PAG1: variants seen among roughly 807,000 people sequenced by gnomAD.
The protein encoded by PAG1 is phosphoprotein membrane anchor with glycosphingolipid microdomains 1.
PAG1 carries 23 observed loss-of-function variants against 31.7 expected under a neutral mutation model. The ratio of observed to expected loss-of-function variants is 0.73; its 90% CI spans 0.52 to 1.03. The LOEUF is 1.03. PAG1 is among the 50% of genes least tolerant of loss of function. PAG1 has a pLI of 0.00. For synonymous variants in PAG1, 214 were observed against 210.3 expected (o/e 1.02, Z -0.15); for missense variants, 473 against 540.7 (o/e 0.87, Z 1.24).
At chr8:81,089,379 T>C (rs1433879942) in intron 1 of PAG1, among the ~76,000 whole-genome samples, 2 of 152,044 alleles carry the variant, frequency 1.3e-5, no homozygotes, top group African/African-American at 2.4e-5. Flanking sequence ...CCATCCTGGC[T>C]AACACAGTGA....
intron 3 of PAG1, among the ~76,000 whole-genome samples, chr8:81,008,026 C>G (rs1387171960): frequency 1.3e-5 from 2 of 152,148 alleles, no homozygotes; most frequent in East Asian, 3.8e-4. Context: ...TAGCCACTGA[C>G]ATCTAGTAAT....
intron 1 of PAG1, among the ~76,000 whole-genome samples, chr8:81,105,749 A>T (rs1809683630): frequency 6.6e-6 from 1 of 152,218 alleles, no homozygotes; most frequent in South Asian, 2.1e-4. Flanking sequence ...TTTAATAGTA[A>T]TGATGGAGTC....
intron 2 of PAG1, among the ~76,000 whole-genome samples, chr8:81,069,465 T>G (rs947279771): frequency 6.6e-6 from 1 of 152,248 alleles, no homozygotes; most frequent in Admixed American, 6.5e-5. Flanking sequence ...TTATAAACAC[T>G]GATAACCATT....
chr8:80,969,891 C>T lies in PAG1; in HGVS notation c.*6653G>A, dbSNP rs1807040845. The stretch of plus-strand genomic sequence containing the variant: ...CCTAGAAGGTGCTTGGTTTCTCACT[C>T]CAAAGTCAGGCAGTTTGCTATAAAT... On this transcript the variant is annotated 3_prime_UTR_variant, in exon 9 of 9. Coordinates refer to ENST00000220597, the MANE Select transcript of PAG1 (RefSeq NM_018440.4). 2 of 152,176 alleles carry T rather than the reference C, an allele frequency of 1.3e-5. No individual in the cohort carries two copies. The highest frequency in any genetic ancestry group is 4.8e-5 in the African/African-American group (2 of 41,432). The allele number at this position is 152,176 out of a possible 1,614,324, so 9.4% of individuals were successfully genotyped here.
intron 3 of PAG1, among the ~76,000 whole-genome samples, chr8:81,016,852 C>T (rs944222805): frequency 2.0e-5 from 3 of 152,126 alleles, no homozygotes; most frequent in Non-Finnish European, 2.9e-5. Context: ...CCTAAGGTGC[C>T]GTGGATACTT....
chr8:81,017,315 C>A (rs1808088949), intron 3 of PAG1, among the ~76,000 whole-genome samples: 1 of 152,314 alleles, frequency 6.6e-6, no homozygotes, highest in Admixed American at 6.5e-5. Context: ...AGAACTCTGA[C>A]TTTTTATTTC....
At chr8:80,987,779 T>C (rs968596013) in intron 5 of PAG1, among the ~76,000 whole-genome samples, 1 of 152,184 alleles carries the variant, frequency 6.6e-6, no homozygotes, top group Non-Finnish European at 1.5e-5. Context: ...AACAATATAA[T>C]ATAATGAAAG....
chr8:81,071,503 A>G (rs1405007007), intron 1 of PAG1, among the ~76,000 whole-genome samples: 7 of 152,228 alleles, frequency 4.6e-5, no homozygotes. Flanking sequence ...CTGAAAACCT[A>G]TCATTTATAA....
At chr8:81,020,234 G>A (rs1227845801) in intron 3 of PAG1, among the ~76,000 whole-genome samples, 1 of 152,176 alleles carries the variant, frequency 6.6e-6, no homozygotes, top group Non-Finnish European at 1.5e-5. Context: ...GGACTTTTGA[G>A]GTGATGCTGA....
chr8:80,997,300 C>T (rs1032914222), intron 3 of PAG1, among the ~76,000 whole-genome samples: 24 of 151,898 alleles, frequency 1.6e-4, no homozygotes, highest in Admixed American at 9.8e-4. Context: ...TTTTTTGAGA[C>T]AGGGTCTTGC....
At chr8:81,002,395 C>A (rs1253775034) in intron 3 of PAG1, among the ~76,000 whole-genome samples, 1 of 152,190 alleles carries the variant, frequency 6.6e-6, no homozygotes, top group African/African-American at 2.4e-5. Context: ...ACAAATGCCC[C>A]CTTTCGGCAG....
intron 1 of PAG1, among the ~76,000 whole-genome samples, chr8:81,072,122 G>C (rs1334955877): frequency 1.3e-5 from 2 of 152,156 alleles, no homozygotes; most frequent in Non-Finnish European, 2.9e-5. Flanking sequence ...GGTTATGCAG[G>C]GTTGGGGTTC....
intron 3 of PAG1, among the ~76,000 whole-genome samples, chr8:81,021,147 T>TA (rs1808160318): frequency 6.6e-6 from 1 of 152,224 alleles, no homozygotes; most frequent in Non-Finnish European, 1.5e-5. Context: ...TTTTGCCAAA[T>TA]ACTTGGATTT....
rs1439485157 is a variant in PAG1 at position 81,111,657 on chromosome 8, C to T, written c.-300G>A. On this transcript the variant is annotated 5_prime_UTR_variant, in exon 1 of 9. Coordinates refer to ENST00000220597, the MANE Select transcript of PAG1 (RefSeq NM_018440.4). ...CGGAGGCAGCCTCTGCAAACTCCGG[C>T]GCGCAGCGCCGCCGCCCCGGCACAG... The T allele has an allele frequency of 6.6e-6, 1 of 152,402 alleles. No individual in the cohort carries two copies. Among genetic ancestry groups the T allele is most frequent in the African/African-American group, 2.4e-5 (1 of 41,466 alleles). The allele number at this position is 152,402 out of a possible 1,614,324, so 9.4% of individuals were successfully genotyped here. A position where few individuals can be genotyped will look rare whatever the true frequency, so the allele number is the denominator to read the frequency against.
At chr8:81,060,321 C>T (rs1401748865) in intron 2 of PAG1, among the ~76,000 whole-genome samples, 1 of 152,098 alleles carries the variant, frequency 6.6e-6, no homozygotes, top group East Asian at 1.9e-4. Flanking sequence ...ATTAGTACAC[C>T]TAACTTTTAA....
chr8:80,987,469 GAAAACA>G lies in PAG1; in HGVS notation c.178-9_178-4del, dbSNP rs750574921. ...CTGAACATCTCCTTGTCTGAAGGCT[GAAAACA>G]AAAACAAAAACAAAAACAAATGCAT... On this transcript the variant is annotated splice_polypyrimidine_tract_variant and splice_region_variant and intron_variant, in intron 5 of 8. Coordinates refer to ENST00000220597, the MANE Select transcript of PAG1 (RefSeq NM_018440.4). The G allele has an allele frequency of 8.1e-6, 13 of 1,609,572 alleles. No homozygotes were observed. Among genetic ancestry groups the G allele is most frequent in the African/African-American group, 5.3e-5 (4 of 74,798 alleles).
intron 1 of PAG1, among the ~76,000 whole-genome samples, chr8:81,093,627 A>G (rs1809482301): frequency 4.0e-5 from 6 of 151,852 alleles, no homozygotes; most frequent in Admixed American, 3.9e-4. Context: ...ATACCCCCAG[A>G]TGTGGCCCTG....
intron 3 of PAG1, among the ~76,000 whole-genome samples, chr8:81,003,508 G>A (rs756323484): frequency 9.9e-5 from 15 of 152,148 alleles, no homozygotes; most frequent in Non-Finnish European, 2.1e-4. Flanking sequence ...ATATAAGGCA[G>A]CTCTTTCCCA....
chr8:81,005,925 A>G (rs903302688), intron 3 of PAG1, among the ~76,000 whole-genome samples: 5 of 152,116 alleles, frequency 3.3e-5, no homozygotes, highest in Non-Finnish European at 7.4e-5. Context: ...AAGAATCTAT[A>G]TTTTAATTTT....
Sources: allele counts gnomAD v4.1 joint callset (sites outside exome capture counted in the v4.1 genomes callset), GRCh38; gene constraint gnomAD v4.1.1; transcripts MANE v1.5; gene names NCBI Gene and HGNC (gene_info 2026-07-23, HGNC 2026-07-21).